The following ACTR3 variants were observed in gnomAD, a reference collection of about 807,000 sequenced individuals.
ACTR3 encodes the protein actin-related protein 3.
ACTR3 carries 12 observed loss-of-function variants against 56.8 expected under a neutral mutation model. The ratio of observed to expected loss-of-function variants is 0.21; its 90% CI spans 0.14 to 0.34. ACTR3 has a LOEUF of 0.34. Ranked by LOEUF, ACTR3 falls within the 10% of genes least tolerant of loss-of-function variation. ACTR3 has a pLI of 1.00. For missense variants in ACTR3, 282 were observed against 512.5 expected, an observed-to-expected ratio of 0.55 and a Z score of 4.34; for synonymous variants, 162 against 167.4, an observed-to-expected ratio of 0.97 and a Z score of 0.25.
At chr2:113,897,941 T>G (rs1277641267) in intron 1 of ACTR3, among the ~76,000 whole-genome samples, 1 of 152,156 alleles carries the variant, frequency 6.6e-6, no homozygotes, top group Non-Finnish European at 1.5e-5. Context: ...CTTTAAGACT[T>G]TGTGTCATTT....
chr2:113,959,017 T>C lies in ACTR3; in HGVS notation c.*1562T>C, dbSNP rs1461230555. 6 of 152,056 alleles carry C rather than the reference T, an allele frequency of 3.9e-5. No homozygotes were observed. The East Asian group carries it at 1.2e-3, about 29-fold the overall frequency. 9.4% of individuals were successfully genotyped at this position (152,056 alleles called of 1,614,324 possible). A position where few individuals can be genotyped will look rare whatever the true frequency, so the allele number is the denominator to read the frequency against. On this transcript the variant is annotated 3_prime_UTR_variant, in exon 12 of 12. Coordinates refer to ENST00000263238, the MANE Select transcript of ACTR3 (RefSeq NM_005721.5). ...GAGTATGGGATTGTAAAAGACAAACTATATCCTACAGTAGTATCATCATCA... is the reference window on the plus strand; with the variant it reads ...GAGTATGGGATTGTAAAAGACAAACCATATCCTACAGTAGTATCATCATCA...
intron 1 of ACTR3, among the ~76,000 whole-genome samples, chr2:113,891,220 G>A (rs1229638814): frequency 6.6e-6 from 1 of 152,156 alleles, no homozygotes; most frequent in African/African-American, 2.4e-5. Flanking sequence ...TTCATGGAGT[G>A]GGGGAAAGGA....
intron 1 of ACTR3, among the ~76,000 whole-genome samples, chr2:113,902,797 G>A (rs1285266846): frequency 6.6e-6 from 1 of 151,962 alleles, no homozygotes; most frequent in Non-Finnish European, 1.5e-5. Flanking sequence ...ATGGGGTTTC[G>A]CCGTGTTGGC....
chr2:113,934,230 TTG>T, intron 5 of ACTR3, 47 bp from the exon 6 acceptor site: 1 of 1,313,954 alleles, frequency 7.6e-7, no homozygotes, highest in Non-Finnish European at 1.1e-6. Context: ...CTTTGTTTTT[TTG>T]TTTTTTTTTT....
chr2:113,914,930 A>G (rs1283648744), intron 2 of ACTR3, among the ~76,000 whole-genome samples: 1 of 152,152 alleles, frequency 6.6e-6, no homozygotes, highest in Non-Finnish European at 1.5e-5. Context: ...TTTGTTATCT[A>G]CTGAACATGA....
At chr2:113,907,976 C>CCAAAAA (rs1491511408) in intron 1 of ACTR3, among the ~76,000 whole-genome samples, 1 of 69,078 alleles carries the variant, frequency 1.4e-5, no homozygotes, top group Non-Finnish European at 2.9e-5. Flanking sequence ...CTCTGTCCCC[C>CCAAAAA]AAAAAAAAAA....
At chr2:113,898,386 A>T (rs1478726454) in intron 1 of ACTR3, among the ~76,000 whole-genome samples, 1 of 152,162 alleles carries the variant, frequency 6.6e-6, no homozygotes. Context: ...GAGTTGAGAA[A>T]TGTCTTTTGG....
intron 1 of ACTR3, among the ~76,000 whole-genome samples, chr2:113,903,741 A>G (rs751188346): frequency 2.6e-4 from 40 of 151,296 alleles, no homozygotes; most frequent in Admixed American, 7.9e-4. Flanking sequence ...TGATCTACCC[A>G]CTTCGGCCTC....
intron 1 of ACTR3, among the ~76,000 whole-genome samples, chr2:113,911,806 G>A (rs1408114140): frequency 2.0e-5 from 3 of 151,266 alleles, no homozygotes; most frequent in Admixed American, 6.6e-5. Context: ...GTGTGATCTC[G>A]GCTCACTGCA....
chr2:113,949,377 C>CAAAAAAAAAAAAA (rs1167037648), intron 8 of ACTR3, among the ~76,000 whole-genome samples: 10 of 57,456 alleles, frequency 1.7e-4, no homozygotes, highest in South Asian at 6.4e-4. Context: ...GACTCGGTCT[C>CAAAAAAAAAAAAA]AAAAAAAAAA....
chr2:113,911,418 ACTT>A (rs1574357807), intron 1 of ACTR3, among the ~76,000 whole-genome samples: 1 of 111,678 alleles, frequency 9.0e-6, no homozygotes, highest in East Asian at 4.3e-4. Context: ...TATTTGGCAC[ACTT>A]TTTTTTTTTT....
intron 1 of ACTR3, among the ~76,000 whole-genome samples, chr2:113,894,529 G>A (rs1678968309): frequency 6.6e-6 from 1 of 152,352 alleles, no homozygotes; most frequent in East Asian, 1.9e-4. Flanking sequence ...CAACAGACAT[G>A]CTCCTAGTGA....
intron 3 of ACTR3, among the ~76,000 whole-genome samples, chr2:113,918,092 T>C (rs1679441013): frequency 6.6e-6 from 1 of 151,936 alleles, no homozygotes; most frequent in East Asian, 1.9e-4. Flanking sequence ...GAGAACGAGG[T>C]GGAAAGAAGT....
chr2:113,928,458 TA>T (rs1679658896), intron 4 of ACTR3, among the ~76,000 whole-genome samples: 1 of 152,212 alleles, frequency 6.6e-6, no homozygotes, highest in Non-Finnish European at 1.5e-5. Context: ...TCTTTTCATA[TA>T]AAATTTACAT....
At chr2:113,906,919 T>C (rs578172742) in intron 1 of ACTR3, among the ~76,000 whole-genome samples, 18 of 152,318 alleles carry the variant, frequency 1.2e-4, no homozygotes, top group African/African-American at 4.3e-4. Context: ...AGGATTATTT[T>C]GGCTATTCAG....
At chr2:113,920,232 A>AT (rs1344250261) in intron 3 of ACTR3, among the ~76,000 whole-genome samples, 2 of 151,910 alleles carry the variant, frequency 1.3e-5, no homozygotes, top group Admixed American at 1.3e-4. Flanking sequence ...CTTTTATTTT[A>AT]TTTTTTATAG....
At chr2:113,895,053 T>A (rs1275167376) in intron 1 of ACTR3, among the ~76,000 whole-genome samples, 1 of 127,656 alleles carries the variant, frequency 7.8e-6, no homozygotes, top group Non-Finnish European at 1.6e-5. Context: ...TTTACTTGGT[T>A]TAGGTTCCCC....
chr2:113,934,451 C>T (rs530921155), intron 6 of ACTR3, 65 bp downstream of exon 6: 28 of 1,052,508 alleles, frequency 2.7e-5, no homozygotes, highest in Middle Eastern at 2.1e-4. Flanking sequence ...TTAAATTATA[C>T]GAATTAATGT....
intron 1 of ACTR3, among the ~76,000 whole-genome samples, chr2:113,892,459 T>C (rs1678923426): frequency 6.6e-6 from 1 of 152,208 alleles, no homozygotes; most frequent in Non-Finnish European, 1.5e-5. Context: ...CAATCTGAAA[T>C]TCCCCCTTTA....
Sources: allele counts gnomAD v4.1 joint callset (sites outside exome capture counted in the v4.1 genomes callset), GRCh38; gene constraint gnomAD v4.1.1; transcripts MANE v1.5; gene names NCBI Gene and HGNC (gene_info 2026-07-23, HGNC 2026-07-21).